Variants in PLEKHA2 observed in about 807,000 individuals in gnomAD.
PLEKHA2 encodes the protein pleckstrin homology domain containing A2, also known as pleckstrin homology domain-containing family A member 2.
In PLEKHA2, 28 loss-of-function variants were observed where a neutral mutation model predicts 53.2. That is an observed-to-expected ratio of 0.53 (90% CI 0.39 to 0.72). PLEKHA2 has a LOEUF of 0.72. PLEKHA2 is among the 30% of genes least tolerant of loss of function. The pLI, the probability that PLEKHA2 is intolerant of heterozygous loss-of-function variation, is 0.00. For missense variants in PLEKHA2, 426 were observed against 537.9 expected, an observed-to-expected ratio of 0.79 and a Z score of 2.06; for synonymous variants, 193 against 196.4, an observed-to-expected ratio of 0.98 and a Z score of 0.14.
intron 2 of PLEKHA2, among the ~76,000 whole-genome samples, chr8:38,930,773 T>C (rs1459809578): frequency 4.6e-5 from 7 of 152,192 alleles, no homozygotes. Context: ...AGGGTGACTC[T>C]GTGGGCTGCT....
At position 38,905,685 on chromosome 8, in the gene PLEKHA2, C is replaced by CTT. The variant is rs5891048; in HGVS notation, c.-24+4256_-24+4257dup. Among the ~76,000 whole-genome samples, 400 of 117,570 alleles carry CTT rather than the reference C, an allele frequency of 3.4e-3. 3 individuals are homozygous for CTT. Among genetic ancestry groups the CTT allele is most frequent in the Non-Finnish European group, 4.0e-3 (238 of 59,976 alleles). 77.1% of individuals were successfully genotyped at this position (117,570 alleles called of 152,430 possible). On this transcript the variant is annotated intron_variant, in intron 1 of 11. Coordinates refer to ENST00000617275, the MANE Select transcript of PLEKHA2 (RefSeq NM_021623.2). ...AGAAATTATGTTTTTTGTGTTTTTGCTTTTTTTTTTTTTTTTTGAGACAGA... is the reference window on the plus strand; with the variant it reads ...AGAAATTATGTTTTTTGTGTTTTTGCTTTTTTTTTTTTTTTTTTTGAGACAGA...
At chr8:38,940,650 CGG>C (rs5891049) in intron 3 of PLEKHA2, among the ~76,000 whole-genome samples, 596 of 56,936 alleles carry the variant, frequency 0.01, 4 homozygotes, top group Non-Finnish European at 0.014. Context: ...ATTGAAGGGG[CGG>C]GGGGGGGGGG....
At chr8:38,913,389 A>T (rs897697161) in intron 1 of PLEKHA2, among the ~76,000 whole-genome samples, 2 of 151,560 alleles carry the variant, frequency 1.3e-5, no homozygotes, top group African/African-American at 4.8e-5. Context: ...AAAAAAAAGA[A>T]AAAGGAAAGA....
chr8:38,969,349 G>T, intron 11 of PLEKHA2, 72 bp from the exon 12 acceptor site: 1 of 1,530,286 alleles, frequency 6.5e-7, no homozygotes. Context: ...TACTCTTTCT[G>T]GGACTCTGTG....
chr8:38,938,594 G>C (rs1432104153), intron 3 of PLEKHA2, among the ~76,000 whole-genome samples: 2 of 152,232 alleles, frequency 1.3e-5, no homozygotes, highest in Non-Finnish European at 2.9e-5. Context: ...GCAAGTTCCT[G>C]AGAGTCTGTT....
intron 2 of PLEKHA2, among the ~76,000 whole-genome samples, chr8:38,924,248 A>C (rs1439381874): frequency 6.6e-6 from 1 of 152,166 alleles, no homozygotes; most frequent in Non-Finnish European, 1.5e-5. Flanking sequence ...GGGAAACAGC[A>C]GTCATTGTGG....
chr8:38,950,766 T>C (rs1834818595), intron 5 of PLEKHA2, 84 bp from the exon 6 acceptor site: 1 of 1,510,266 alleles, frequency 6.6e-7, no homozygotes, highest in South Asian at 1.3e-5. Flanking sequence ...TGAGCTTTTC[T>C]CACGGCAGCC....
intron 5 of PLEKHA2, among the ~76,000 whole-genome samples, chr8:38,948,868 T>G (rs115790547): frequency 0.013 from 2,011 of 152,082 alleles, 55 homozygotes; most frequent in African/African-American, 0.046. Context: ...TTCAGCTGTT[T>G]TTTTGTTTTG....
intron 2 of PLEKHA2, among the ~76,000 whole-genome samples, chr8:38,920,301 C>T (rs1217358803): frequency 3.9e-5 from 6 of 152,274 alleles, no homozygotes; most frequent in South Asian, 2.1e-4. Context: ...CAGGCACCCG[C>T]CACCACGCCC....
chr8:38,957,398 C>A lies in PLEKHA2; in HGVS notation c.837+12C>A. The A allele has an allele frequency of 6.2e-7, 1 of 1,606,354 alleles. No individual in the cohort carries two copies. Among genetic ancestry groups the A allele is most frequent in the South Asian group, 1.1e-5 (1 of 90,920 alleles). ...CCTTCTACGTACAGGTAAAATGCTC[C>A]CTTCCAGAAGACTCCAGCATTCTGT... On this transcript the variant is annotated intron_variant, in intron 10 of 11. Coordinates refer to ENST00000617275, the MANE Select transcript of PLEKHA2 (RefSeq NM_021623.2).
rs906990719 is a variant in PLEKHA2 at position 38,924,758 on chromosome 8, G to A, written c.141+6688G>A. Among the ~76,000 whole-genome samples, 6 of 152,340 alleles carry A rather than the reference G, an allele frequency of 3.9e-5. No homozygotes were observed. In the East Asian group the frequency reaches 5.8e-4, roughly 15 times the overall value. On this transcript the variant is annotated intron_variant, in intron 2 of 11. Transcript: ENST00000617275. ...GGCAACGTCTGCTAGATGGACATAC[G>A]GTGGGGGTGTGTTGGGGATCAGAAC...
chr8:38,949,880 C>T (rs1287053655), intron 5 of PLEKHA2, among the ~76,000 whole-genome samples: 1 of 152,160 alleles, frequency 6.6e-6, no homozygotes, highest in African/African-American at 2.4e-5. Context: ...AAAGGTCTCT[C>T]AGGTGGTTCG....
At chr8:38,904,367 G>T (rs1242452594) in intron 1 of PLEKHA2, among the ~76,000 whole-genome samples, 1 of 152,214 alleles carries the variant, frequency 6.6e-6, no homozygotes, top group Non-Finnish European at 1.5e-5. Context: ...TGTGCCTTTT[G>T]CCCACAGTGC....
chr8:38,952,348 G>A (rs747312406), intron 7 of PLEKHA2, 36 bp downstream of exon 7: 5 of 1,603,886 alleles, frequency 3.1e-6, no homozygotes, highest in South Asian at 1.1e-5. Context: ...TGGGGTTCTG[G>A]TGACTCCTCA....
In PLEKHA2 at chr8:38,905,661, G is replaced by C. The variant is rs564131900; in HGVS notation, c.-24+4216G>C. Among the ~76,000 whole-genome samples, 49 of 147,166 alleles carry C rather than the reference G, an allele frequency of 3.3e-4. No individual in the cohort carries two copies. The South Asian group carries it at 8.3e-3, about 25-fold the overall frequency. ...CTTAGCAAAAGGCCAGTAGGTTGGA[G>C]AAATTATGTTTTTTGTGTTTTTGCT... is the stretch of plus-strand genomic sequence containing the variant. On this transcript the variant is annotated intron_variant, in intron 1 of 11. Transcript: ENST00000617275.
intron 3 of PLEKHA2, among the ~76,000 whole-genome samples, chr8:38,938,141 C>A (rs1834531768): frequency 1.3e-5 from 2 of 152,240 alleles, no homozygotes; most frequent in Admixed American, 1.3e-4. Context: ...CTGTCCCACC[C>A]CCAGCTGTGT....
At chr8:38,936,387 C>T (rs1043478272) in intron 3 of PLEKHA2, among the ~76,000 whole-genome samples, 18 of 152,128 alleles carry the variant, frequency 1.2e-4, no homozygotes, top group East Asian at 7.7e-4. Flanking sequence ...GTAATTGGGA[C>T]GAAAGGGAAC....
chr8:38,924,534 G>A (rs1185083224), intron 2 of PLEKHA2, among the ~76,000 whole-genome samples: 1 of 152,214 alleles, frequency 6.6e-6, no homozygotes, highest in East Asian at 1.9e-4. Flanking sequence ...GCGCTGGGGT[G>A]AGTCATGCCT....
chr8:38,941,854 ACT>A (rs1375851110), intron 3 of PLEKHA2, among the ~76,000 whole-genome samples: 5 of 151,952 alleles, frequency 3.3e-5, no homozygotes, highest in Admixed American at 2.6e-4. Context: ...GTCATTTGAG[ACT>A]CTCTGTCTCT....
Sources: allele counts gnomAD v4.1 joint callset (sites outside exome capture counted in the v4.1 genomes callset), GRCh38; gene constraint gnomAD v4.1.1; transcripts MANE v1.5; gene names NCBI Gene and HGNC (gene_info 2026-07-23, HGNC 2026-07-21).